Variants in PPFIA4 observed in about 807,000 individuals in gnomAD.
PPFIA4 encodes the protein liprin-alpha-4.
In PPFIA4, 98 loss-of-function variants were observed where a neutral mutation model predicts 145.7. The ratio of observed to expected loss-of-function variants is 0.67; its 90% CI spans 0.57 to 0.80. PPFIA4 has a LOEUF of 0.80. Ranked by LOEUF, PPFIA4 falls within the 30% of genes least tolerant of loss-of-function variation. The probability of loss-of-function intolerance (pLI) is 0.00; values close to 1 mark genes in which losing one functional copy is unlikely to be tolerated. For missense variants in PPFIA4, 1,457 were observed against 1,632.7 expected, an observed-to-expected ratio of 0.89 and a Z score of 1.85; for synonymous variants, 628 against 649.6, an observed-to-expected ratio of 0.97 and a Z score of 0.51.
At position 203,076,458 on chromosome 1, in the gene PPFIA4, C is replaced by A; in HGVS notation, c.*68C>A. On this transcript the variant is annotated 3_prime_UTR_variant, in exon 30 of 30. Coordinates refer to ENST00000295706, the MANE Select transcript of PPFIA4 (RefSeq NM_001304331.2). ...GCTCCTCTGGCCCTGACCCCTCTTGCTCGTTCCCCTTCCTTCCGCAGCTCC... is the reference window on the plus strand; with the variant it reads ...GCTCCTCTGGCCCTGACCCCTCTTGATCGTTCCCCTTCCTTCCGCAGCTCC... 2 of 1,429,824 alleles carry A rather than the reference C, an allele frequency of 1.4e-6. No homozygotes were observed. The highest frequency in any genetic ancestry group is 3.4e-5 in the Admixed American group (2 of 59,504). The allele number at this position is 1,429,824 out of a possible 1,614,324, so 88.6% of individuals were successfully genotyped here. A position where few individuals can be genotyped will look rare whatever the true frequency, so the allele number is the denominator to read the frequency against.
chr1:203,045,939 T>A lies in PPFIA4; in HGVS notation c.957T>A (p.Asn319Lys). Residue 319 changes from asparagine (N) to lysine (K), a missense_variant, in exon 8 of 30, where the codon AAT becomes AAA. Physicochemically the swap from Asn to Lys is moderately conservative, Grantham distance 94. This residue lies in a region of PPFIA4 where 463 missense variants were observed against 459.8 expected (regional missense o/e 1.01). Transcript: ENST00000295706. The part of the protein sequence containing the change: ...QREATSIHDL[N>K]DKLENELANK... ...AGGCAACATCCATCCATGACCTCAATGACAAGCTGGAGAATGAGCTGGCCA... is the reference window on the plus strand; with the variant it reads ...AGGCAACATCCATCCATGACCTCAAAGACAAGCTGGAGAATGAGCTGGCCA... 6.2e-7 allele frequency: 1 copy of A among 1,612,810 alleles called. No individual in the cohort carries two copies. Among genetic ancestry groups the A allele is most frequent in the South Asian group, 1.1e-5 (1 of 91,082 alleles).
At chr1:203,072,762 G>T (rs548377322) in intron 28 of PPFIA4, among the ~76,000 whole-genome samples, 9 of 152,310 alleles carry the variant, frequency 5.9e-5, no homozygotes, top group African/African-American at 1.9e-4. Context: ...GGCACTATAA[G>T]GAATACACAG....
chr1:203,043,966 C>T lies in PPFIA4; in HGVS notation c.372C>T (p.Arg124=). The change falls in exon 4 of 30, where the codon CGC becomes CGT. Residue 124 remains arginine, a synonymous_variant. Transcript: ENST00000295706. The surrounding 1 kb of genome is among the most constrained non-coding windows in gnomAD (Gnocchi z 4.4). The part of the protein sequence containing the change: ...LLEHLECLVS[R]HERSLRMTVV... ...AACATCTGGAGTGCCTGGTGTCCCG[C>T]CATGAACGGTCACTGCGGATGACTG... The T allele has an allele frequency of 6.2e-7, 1 of 1,611,304 alleles. No individual in the cohort carries two copies. The highest frequency in any genetic ancestry group is 8.5e-7 in the Non-Finnish European group (1 of 1,179,042).
Position 203,063,979 on chromosome 1 carries a change from T to G in PPFIA4, c.3026T>G (p.Leu1009Arg). Residue 1009 changes from leucine to arginine, a missense_variant, in exon 25 of 30, where the codon CTG (leucine) becomes CGG (arginine). Transcript: ENST00000295706. ...HLTKKDLRVH[L>R]KMVDSFHRTS... ...ACCAAGAAGGACCTGCGGGTCCACC[T>G]GAAGATGGTGGACAGCTTCCATCGG... The G allele has an allele frequency of 6.2e-7, 1 of 1,613,680 alleles. No individual in the cohort carries two copies. The highest frequency in any genetic ancestry group is 2.2e-5 in the East Asian group (1 of 44,882).
At chr1:203,074,055 A>C (rs934957846) in intron 28 of PPFIA4, among the ~76,000 whole-genome samples, 5 of 152,180 alleles carry the variant, frequency 3.3e-5, no homozygotes, top group African/African-American at 1.2e-4. Context: ...GGAGCATAGA[A>C]TTTGAGAGAA....
intron 26 of PPFIA4, among the ~76,000 whole-genome samples, 163 bp downstream of exon 26, chr1:203,067,955 T>C (rs778918024): frequency 2.0e-5 from 3 of 152,014 alleles, no homozygotes; most frequent in Non-Finnish European, 1.5e-5. Context: ...GGAGGAGACA[T>C]AGTCCATGCC....
At position 203,075,869 on chromosome 1, in the gene PPFIA4, C is replaced by T; in HGVS notation, c.3574+112C>T. ...GGGCGAGGCCGAGGCTGGTGCCCCG[C>T]GCTCCTGCGCTGCAGCTGCACTAAC... On this transcript the variant is annotated intron_variant, in intron 29 of 29. Coordinates refer to ENST00000295706, the MANE Select transcript of PPFIA4 (RefSeq NM_001304331.2). The surrounding 1 kb of genome is among the most constrained non-coding windows in gnomAD (Gnocchi z 4.1). The T allele has an allele frequency of 9.3e-7, 1 of 1,081,022 alleles. No individual in the cohort carries two copies. The highest frequency in any genetic ancestry group is 1.2e-6 in the Non-Finnish European group (1 of 812,846). 67.0% of individuals were successfully genotyped at this position (1,081,022 alleles called of 1,614,324 possible). A position where few individuals can be genotyped will look rare whatever the true frequency, so the allele number is the denominator to read the frequency against.
At chr1:203,062,760 A>G (rs981613085) in intron 24 of PPFIA4, among the ~76,000 whole-genome samples, 2 of 152,234 alleles carry the variant, frequency 1.3e-5, no homozygotes, top group Non-Finnish European at 2.9e-5. Context: ...ACTCAAAACC[A>G]AACAAAATTA....
At chr1:203,028,661 G>A (rs991799798) in intron 1 of PPFIA4, among the ~76,000 whole-genome samples, 6 of 152,036 alleles carry the variant, frequency 3.9e-5, no homozygotes, top group East Asian at 1.9e-4. Context: ...GTGTGCACAC[G>A]CGTGTGTGAG....
rs987543609 is a variant in PPFIA4 at position 203,043,831 on chromosome 1, G to A, written c.337-100G>A. On this transcript the variant is annotated intron_variant, in intron 3 of 29. Transcript: ENST00000295706. This position sits in a 1 kb window ranked among gnomAD's most constrained non-coding sequence, Gnocchi z 4.4. ...TCAGTGTTTTCACAGTGGGGTGGCTGTAACTCATGTCTGCTCGGGGATCAC... is the reference window on the plus strand; with the variant it reads ...TCAGTGTTTTCACAGTGGGGTGGCTATAACTCATGTCTGCTCGGGGATCAC... The A allele has an allele frequency of 1.1e-5, 14 of 1,229,456 alleles. No individual in the cohort carries two copies. The Admixed American group carries it at 1.8e-4, about 16-fold the overall frequency. 76.2% of individuals were successfully genotyped at this position (1,229,456 alleles called of 1,614,324 possible).
At chr1:203,064,558 G>T (rs1184636147) in intron 25 of PPFIA4, among the ~76,000 whole-genome samples, 2 of 152,206 alleles carry the variant, frequency 1.3e-5, no homozygotes, top group Non-Finnish European at 2.9e-5. Flanking sequence ...TGCGGCGCAG[G>T]TCCCAAACTG....
chr1:203,051,838 G>A lies in PPFIA4; in HGVS notation c.1581G>A (p.Val527=). ...LGTTTHAPPG[V]HRRYSALREE... is the part of the protein sequence containing the mutation. ...CAACCACACACGCACCCCCAGGCGT[G>A]CATCGCCGCTACTCGGCATTGAGGG... The change falls in exon 14 of 30, where the codon GTG becomes GTA. Residue 527 remains valine (V), a synonymous_variant. Coordinates refer to ENST00000295706, the MANE Select transcript of PPFIA4 (RefSeq NM_001304331.2). 1 of 1,613,766 alleles carries A rather than the reference G, an allele frequency of 6.2e-7. No individual in the cohort carries two copies. Among genetic ancestry groups the A allele is most frequent in the Non-Finnish European group, 8.5e-7 (1 of 1,179,810 alleles).
rs536966829 is a variant in PPFIA4 at position 203,061,408 on chromosome 1, C to A, written c.2848-244C>A. On this transcript the variant is annotated intron_variant, in intron 23 of 29. Coordinates refer to ENST00000295706, the MANE Select transcript of PPFIA4 (RefSeq NM_001304331.2). Reference sequence around the variant, plus strand: ...GTGTTGGGAGAGCTGGGCATCTTGCCTGGCTCCCAGTCAAGCCTGGGAGGT... The same window carrying A: ...GTGTTGGGAGAGCTGGGCATCTTGCATGGCTCCCAGTCAAGCCTGGGAGGT... 2.3e-5 allele frequency: 12 copies of A among 518,950 alleles called. No individual in the cohort carries two copies. In the South Asian group the frequency reaches 3.0e-4, roughly 13 times the overall value. The allele number at this position is 518,950 out of a possible 1,614,324, so 32.1% of individuals were successfully genotyped here.
At position 203,072,232 on chromosome 1, in the gene PPFIA4, A is replaced by T. The variant is rs1662221996; in HGVS notation, c.3393+472A>T. 2.0e-5 allele frequency among the ~76,000 whole-genome samples: 3 copies of T among 152,116 alleles called. No individual in the cohort carries two copies. The South Asian group carries it at 6.2e-4, about 32-fold the overall frequency. On this transcript the variant is annotated intron_variant, in intron 28 of 29. Coordinates refer to ENST00000295706, the MANE Select transcript of PPFIA4 (RefSeq NM_001304331.2). ...GGCGGATGCCCTGCTGAGGTTGTTA[A>T]ATGACAGGTTTGCTCTCTCGCTCCC...
chr1:203,069,431 G>A (rs1251249365), intron 27 of PPFIA4, among the ~76,000 whole-genome samples: 1 of 152,164 alleles, frequency 6.6e-6, no homozygotes, highest in East Asian at 1.9e-4. Flanking sequence ...CACCTTTTAT[G>A]ATTTCATAAA....
Position 203,055,284 on chromosome 1 carries a change from G to A in PPFIA4, c.1830-148G>A. 2 of 1,031,212 alleles carry A rather than the reference G, an allele frequency of 1.9e-6. No individual in the cohort carries two copies. Among genetic ancestry groups the A allele is most frequent in the Non-Finnish European group, 2.9e-6 (2 of 694,942 alleles). The allele number at this position is 1,031,212 out of a possible 1,614,324, so 63.9% of individuals were successfully genotyped here. A position where few individuals can be genotyped will look rare whatever the true frequency, so the allele number is the denominator to read the frequency against. ...GTAGGCAAGCTAACAAGAAAGAGAT[G>A]TGTTTCTAAGCTCCAGTGGGACAGA... is the stretch of plus-strand genomic sequence containing the variant. On this transcript the variant is annotated intron_variant, in intron 15 of 29. Coordinates refer to ENST00000295706, the MANE Select transcript of PPFIA4 (RefSeq NM_001304331.2). This position sits in a 1 kb window ranked among gnomAD's most constrained non-coding sequence, Gnocchi z 4.8.
At chr1:203,047,686 C>T (rs1034901724) in intron 9 of PPFIA4, among the ~76,000 whole-genome samples, 7 of 152,110 alleles carry the variant, frequency 4.6e-5, no homozygotes, top group African/African-American at 9.7e-5. Context: ...TCTCAGTGTT[C>T]GCCTTGGATT....
At chr1:203,034,367 A>C in intron 1 of PPFIA4, 1 of 440,188 alleles carries the variant, frequency 2.3e-6, no homozygotes, top group South Asian at 1.6e-5. Flanking sequence ...GGATTTCTGG[A>C]GGAGAGGATG....
intron 26 of PPFIA4, 31 bp downstream of exon 26, chr1:203,067,823 G>A (rs750503898): frequency 3.1e-6 from 5 of 1,603,856 alleles, no homozygotes; most frequent in Middle Eastern, 1.7e-4. Context: ...GAGGGTTCGG[G>A]AGCAGCCTGC....
Sources: allele counts gnomAD v4.1 joint callset (sites outside exome capture counted in the v4.1 genomes callset), GRCh38; gene constraint gnomAD v4.1.1; regional missense constraint gnomAD v4.1.1; non-coding constraint Gnocchi (gnomAD v3.1); transcripts MANE v1.5; gene names NCBI Gene and HGNC (gene_info 2026-07-23, HGNC 2026-07-21).